SLC6A3: variants seen among roughly 807,000 people sequenced by gnomAD.
The protein encoded by SLC6A3 is sodium-dependent dopamine transporter.
Under a neutral mutation model 70.4 loss-of-function variants are expected in SLC6A3, and 19 were observed. That is an observed-to-expected ratio of 0.27 (90% CI 0.19 to 0.40). The LOEUF is 0.40. Among genes scored for constraint, SLC6A3 ranks in the 10% least tolerant of loss-of-function variants. The probability of loss-of-function intolerance (pLI) is 1.00; values close to 1 mark genes in which losing one functional copy is unlikely to be tolerated. For synonymous variants in SLC6A3, 368 were observed against 356.6 expected (o/e 1.03, Z -0.36); for missense variants, 613 against 838.5 (o/e 0.73, Z 3.32).
intron 3 of SLC6A3, among the ~76,000 whole-genome samples, chr5:1,440,414 G>T (rs1756947335): frequency 1.3e-5 from 2 of 152,170 alleles, no homozygotes; most frequent in Non-Finnish European, 2.9e-5. Context: ...TGGATGGGTG[G>T]ATGAATGGAT....
intron 4 of SLC6A3, 123 bp from the exon 5 acceptor site, chr5:1,422,137 T>C: frequency 9.3e-7 from 1 of 1,079,620 alleles, no homozygotes; most frequent in Non-Finnish European, 1.4e-6. Flanking sequence ...TCCAGTCTGA[T>C]GGACAAGAGA....
At chr5:1,428,269 G>C (rs1027504772) in intron 4 of SLC6A3, among the ~76,000 whole-genome samples, 2 of 152,106 alleles carry the variant, frequency 1.3e-5, no homozygotes, top group African/African-American at 4.8e-5. Flanking sequence ...GAAATCAAAA[G>C]AAAGATTAGG....
intron 6 of SLC6A3, among the ~76,000 whole-genome samples, chr5:1,419,389 C>T (rs1756383720): frequency 6.6e-6 from 1 of 151,862 alleles, no homozygotes; most frequent in African/African-American, 2.4e-5. Context: ...CTGTCTCCAC[C>T]TAATTTCTGA....
intron 6 of SLC6A3, chr5:1,416,525 C>T (rs1756295084): frequency 2.1e-6 from 1 of 480,038 alleles, no homozygotes; most frequent in Non-Finnish European, 3.8e-6. Context: ...GACTCATCCA[C>T]ACACGGCATG....
rs551542799 is a variant in SLC6A3, at chr5:1,414,590, G to A, written c.1156+101C>T. 8 of 1,384,432 alleles carry A rather than the reference G, an allele frequency of 5.8e-6. No homozygotes were observed. The East Asian group carries it at 9.9e-5, about 17-fold the overall frequency. 85.8% of individuals were successfully genotyped at this position (1,384,432 alleles called of 1,614,324 possible). On this transcript the variant is annotated intron_variant, in intron 8 of 14. Coordinates refer to ENST00000270349, the MANE Select transcript of SLC6A3 (RefSeq NM_001044.5). ...GCAACTCTCACTGAAGTCGCTCAGG[G>A]CCCATGCGTCTCCTTCCTCTTTCAC...
At position 1,438,318 on chromosome 5, in the gene SLC6A3, C is replaced by T. The variant is rs1477923036; in HGVS notation, c.418+3041G>A. ...CCTCCTCTGGGACTAGTCTTCAGAA[C>T]GAAGCTGGCGGCATGGAATGCGGGA... On this transcript the variant is annotated intron_variant, in intron 3 of 14. Coordinates refer to ENST00000270349, the MANE Select transcript of SLC6A3 (RefSeq NM_001044.5). The surrounding 1 kb of genome is among the most constrained non-coding windows in gnomAD (Gnocchi z 6.5). Among the ~76,000 whole-genome samples, 12 of 152,344 alleles carry T rather than the reference C, an allele frequency of 7.9e-5. No homozygotes were observed. The highest frequency in any genetic ancestry group is 2.1e-4 in the South Asian group (1 of 4,826).
At position 1,421,849 on chromosome 5, in the gene SLC6A3, G is replaced by A; in HGVS notation, c.792+27C>T. On this transcript the variant is annotated intron_variant, in intron 5 of 14. Coordinates refer to ENST00000270349, the MANE Select transcript of SLC6A3 (RefSeq NM_001044.5). This position sits in a 1 kb window ranked among gnomAD's most constrained non-coding sequence, Gnocchi z 7.2. ...CCACTTGGTGGCCCCATGTCTACAG[G>A]CCCAATTGGTGACCCCCGAGCCTCA... 1 of 1,612,240 alleles carries A rather than the reference G, an allele frequency of 6.2e-7. No homozygotes were observed. Among genetic ancestry groups the A allele is most frequent in the Non-Finnish European group, 8.5e-7 (1 of 1,179,436 alleles).
In SLC6A3 at chr5:1,421,771, C is replaced by T. The variant is rs1319584123; in HGVS notation, c.792+105G>A. On this transcript the variant is annotated intron_variant, in intron 5 of 14. Transcript: ENST00000270349. The surrounding 1 kb of genome is among the most constrained non-coding windows in gnomAD (Gnocchi z 7.2). ...CCTGGCCATGGCCACATTGGTAGCA[C>T]AAAACCCAACTGAGGCCACACGTGC... 3.8e-6 allele frequency: 5 copies of T among 1,328,268 alleles called. No homozygotes were observed. The highest frequency in any genetic ancestry group is 1.4e-5 in the African/African-American group (1 of 69,520). 82.3% of individuals were successfully genotyped at this position (1,328,268 alleles called of 1,614,324 possible). A position where few individuals can be genotyped will look rare whatever the true frequency, so the allele number is the denominator to read the frequency against.
chr5:1,421,918 C>T lies in SLC6A3; in HGVS notation c.750G>A (p.Leu250=). 1 of 1,613,310 alleles carries T rather than the reference C, an allele frequency of 6.2e-7. No homozygotes were observed. The highest frequency in any genetic ancestry group is 8.5e-7 in the Non-Finnish European group (1 of 1,180,036). ...LTACLVLVIV[L]LYFSLWKGVK... ...CGCCCTTCCAGAGGCTGAAGTAGAG[C>T]AGCACGATGACCAGCACCAGGCAGG... Residue 250 remains leucine, a synonymous_variant, in exon 5 of 15, where the codon CTG becomes CTA. Transcript: ENST00000270349. This position sits in a 1 kb window ranked among gnomAD's most constrained non-coding sequence, Gnocchi z 7.2.
At chr5:1,431,558 G>T (rs1213578757) in intron 4 of SLC6A3, among the ~76,000 whole-genome samples, 1 of 150,296 alleles carries the variant, frequency 6.7e-6, no homozygotes, top group Admixed American at 6.6e-5. Context: ...GGTCTGGCCG[G>T]GGTGGACGGT....
chr5:1,405,984 G>A lies in SLC6A3; in HGVS notation c.1599+204C>T, dbSNP rs995033487. 1.3e-5 allele frequency among the ~76,000 whole-genome samples: 2 copies of A among 152,158 alleles called. No homozygotes were observed. The highest frequency in any genetic ancestry group is 2.9e-5 in the Non-Finnish European group (2 of 68,028). On this transcript the variant is annotated intron_variant, in intron 12 of 14. Transcript: ENST00000270349. This position sits in a 1 kb window ranked among gnomAD's most constrained non-coding sequence, Gnocchi z 5.3. The stretch of plus-strand genomic sequence containing the variant: ...GTCCAAGACCATGTGAGGTTTTTTC[G>A]GTGGGTCTAGAGGGGAGGGTGGAAG...
Position 1,409,724 on chromosome 5 carries a change from G to A in SLC6A3, c.1395C>T (p.Thr465=), listed in dbSNP as rs1368499161. 1 of 1,613,152 alleles carries A rather than the reference G, an allele frequency of 6.2e-7. No homozygotes were observed. Among genetic ancestry groups the A allele is most frequent in the Non-Finnish European group, 8.5e-7 (1 of 1,180,024 alleles). The change falls in exon 10 of 15, where the codon ACC becomes ACT. Residue 465 remains threonine (T), a synonymous_variant. Transcript: ENST00000270349. ...ATFLLSLFCV[T]NGGIYVFTLL... ...CGAAGCCGGCGATGGTACGTACGTT[G>A]GTGACGCAGAACAGGGACAGGAGGA...
chr5:1,421,170 C>T lies in SLC6A3; in HGVS notation c.793-467G>A, dbSNP rs1233471009. Among the ~76,000 whole-genome samples, 2 of 147,970 alleles carry T rather than the reference C, an allele frequency of 1.4e-5. No homozygotes were observed. The highest frequency in any genetic ancestry group is 3.0e-5 in the Non-Finnish European group (2 of 66,568). ...TCAAAACTGGTTTTGGCCCATATAACAACCAAAGTTTTTTTTTTTTTTTTG... is the reference window on the plus strand; with the variant it reads ...TCAAAACTGGTTTTGGCCCATATAATAACCAAAGTTTTTTTTTTTTTTTTG... On this transcript the variant is annotated intron_variant, in intron 5 of 14. Transcript: ENST00000270349. The surrounding 1 kb of genome is among the most constrained non-coding windows in gnomAD (Gnocchi z 7.2).
At chr5:1,410,840 T>TG (rs1437068393) in intron 9 of SLC6A3, among the ~76,000 whole-genome samples, 2 of 151,166 alleles carry the variant, frequency 1.3e-5, no homozygotes, top group Non-Finnish European at 3.0e-5. Context: ...ATGTGTGTGT[T>TG]CGTGTGTGTT....
intron 14 of SLC6A3, among the ~76,000 whole-genome samples, chr5:1,399,242 A>G (rs1197360986): frequency 1.3e-5 from 2 of 152,258 alleles, no homozygotes; most frequent in Non-Finnish European, 2.9e-5. Context: ...ATGAGTTGAC[A>G]AAGTCACAAT....
chr5:1,426,453 T>C (rs1473045916), intron 4 of SLC6A3, among the ~76,000 whole-genome samples: 1 of 152,158 alleles, frequency 6.6e-6, no homozygotes, highest in African/African-American at 2.4e-5. Context: ...GGCAGGAGGA[T>C]TGCTTGAGCC....
rs1755990024 is a variant in SLC6A3 at position 1,406,708 on chromosome 5, A to G, written c.1499-420T>C. Among the ~76,000 whole-genome samples the G allele has an allele frequency of 6.6e-6, 1 of 150,804 alleles. No homozygotes were observed. Among genetic ancestry groups the G allele is most frequent in the South Asian group, 2.1e-4 (1 of 4,830 alleles). On this transcript the variant is annotated intron_variant, in intron 11 of 14. Transcript: ENST00000270349. The surrounding 1 kb of genome is among the most constrained non-coding windows in gnomAD (Gnocchi z 8.8). ...CGTGTAGAGTTCATAATGTATCAAT[A>G]CATTCACATACTGTGTAACCGTCAC...
chr5:1,415,309 C>T (rs1223526948), intron 7 of SLC6A3, among the ~76,000 whole-genome samples: 2 of 152,076 alleles, frequency 1.3e-5, no homozygotes, highest in South Asian at 2.1e-4. Context: ...GAGGGAGGGT[C>T]CTGGGGTCGG....
rs891865844 is a variant in SLC6A3 at position 1,416,026 on chromosome 5, C to T, written c.1031+72G>A. 1.5e-4 allele frequency: 172 copies of T among 1,148,250 alleles called. 1 individual carries two copies. Among genetic ancestry groups the T allele is most frequent in the Admixed American group, 5.5e-4 (32 of 58,286 alleles). The allele number at this position is 1,148,250 out of a possible 1,614,324, so 71.1% of individuals were successfully genotyped here. A position where few individuals can be genotyped will look rare whatever the true frequency, so the allele number is the denominator to read the frequency against. On this transcript the variant is annotated intron_variant, in intron 7 of 14. Coordinates refer to ENST00000270349, the MANE Select transcript of SLC6A3 (RefSeq NM_001044.5). ...TCCGCCCTGTTCTCATCCAGGGACA[C>T]CCTATTTCTGGAAGTCAGCGACCTC...
Sources: gnomAD v4.1 joint callset for allele counts (sites outside exome capture counted in the v4.1 genomes callset) on GRCh38, gnomAD v4.1.1 for gene constraint, Gnocchi (gnomAD v3.1) non-coding constraint, MANE v1.5 for transcripts, NCBI Gene and HGNC (gene_info 2026-07-23, HGNC 2026-07-21) for gene names.